The following NDUFA7 variants were observed in gnomAD, a reference collection of about 807,000 sequenced individuals.
The protein encoded by NDUFA7 is NADH dehydrogenase [ubiquinone] 1 alpha subcomplex subunit 7.
NDUFA7 carries 18 observed loss-of-function variants against 14.2 expected under a neutral mutation model. That is an observed-to-expected ratio of 1.27 (90% CI 0.88 to 1.88). The LOEUF is 1.88. NDUFA7 is among the 40% of genes most tolerant of loss of function. NDUFA7 has a pLI of 0.00. For missense variants in NDUFA7, 172 were observed against 147.3 expected (o/e 1.17, Z -0.87); for synonymous variants, 75 against 62.1 (o/e 1.21, Z -0.98).
rs1487657293 is a variant in NDUFA7 at position 8,321,368 on chromosome 19, G to A, written c.-10C>T. 1.2e-5 allele frequency: 19 copies of A among 1,571,026 alleles called. No individual in the cohort carries two copies. Among genetic ancestry groups the A allele is most frequent in the Middle Eastern group, 1.9e-4 (1 of 5,172 alleles). The stretch of plus-strand genomic sequence containing the variant: ...GGGTGGCGGACGCCATCTTCCGTCC[G>A]CGATACTGAAGGGCGCAGCCGGTGA... On this transcript the variant is annotated 5_prime_UTR_variant, in exon 1 of 4. Transcript: ENST00000301457.
In NDUFA7 at chr19:8,321,305, C is replaced by G; in HGVS notation, c.51+3G>C. 1 of 1,569,874 alleles carries G rather than the reference C, an allele frequency of 6.4e-7. No individual in the cohort carries two copies. The highest frequency in any genetic ancestry group is 1.8e-5 in the Admixed American group (1 of 54,172). ...ATGGTGCAGCCCTGTCCGCCCCGCG[C>G]ACCCCGGACGCCCAGTTCCGCAGCC... On this transcript the variant is annotated splice_donor_region_variant and intron_variant, in intron 1 of 3. Transcript: ENST00000301457.
downstream of NDUFA7, chr19:8,308,639 G>C (rs1223740855): frequency 3.1e-6 from 1 of 323,324 alleles, no homozygotes; most frequent in Admixed American, 5.2e-5. Flanking sequence ...ACGCCCCTCA[G>C]GCACTCCGCA....
intron 3 of NDUFA7, among the ~76,000 whole-genome samples, chr19:8,316,135 T>G (rs1231050620): frequency 9.1e-6 from 1 of 110,248 alleles, no homozygotes; most frequent in African/African-American, 3.8e-5. Context: ...GGTGACAGAG[T>G]GAGACTCCGT....
chr19:8,320,173 T>C (rs1273991300), intron 2 of NDUFA7, among the ~76,000 whole-genome samples: 1 of 152,180 alleles, frequency 6.6e-6, no homozygotes, highest in Non-Finnish European at 1.5e-5. Context: ...TTTCAATAAT[T>C]ATTCTTTGAA....
chr19:8,313,582 G>A (rs1970202837), intron 3 of NDUFA7, among the ~76,000 whole-genome samples: 1 of 152,220 alleles, frequency 6.6e-6, no homozygotes, highest in African/African-American at 2.4e-5. Context: ...TCACCTCCCA[G>A]ATCTCAGCAC....
At position 8,316,553 on chromosome 19, in the gene NDUFA7, G is replaced by T. The variant is rs768691484; in HGVS notation, c.194C>A (p.Pro65His). ...CTGCGACGACATGATGATGGAAGGG[G>T]GCACAGATTCCCGGCGGCCATCGCG... ...CTRDGRRESV[P>H]PSIIMSSQKA... The change falls in exon 3 of 4, where the codon CCC (proline) becomes CAC (histidine). Residue 65 changes from proline to histidine, a missense_variant. Physicochemically the swap from Pro to His is moderately conservative, Grantham distance 77. Coordinates refer to ENST00000301457, the MANE Select transcript of NDUFA7 (RefSeq NM_005001.5). 1 of 1,614,122 alleles carries T rather than the reference G, an allele frequency of 6.2e-7. No individual in the cohort carries two copies. The highest frequency in any genetic ancestry group is 1.1e-5 in the South Asian group (1 of 91,082).
chr19:8,312,957 G>A (rs956408751), intron 3 of NDUFA7, among the ~76,000 whole-genome samples: 1 of 152,036 alleles, frequency 6.6e-6, no homozygotes, highest in Non-Finnish European at 1.5e-5. Context: ...GAGCCACAGC[G>A]CCCCTAACTT....
chr19:8,314,848 G>C (rs984427955), intron 3 of NDUFA7, among the ~76,000 whole-genome samples: 1 of 152,060 alleles, frequency 6.6e-6, no homozygotes, highest in African/African-American at 2.4e-5. Flanking sequence ...CTGGGAGGCA[G>C]AGCTTGCAGT....
intron 3 of NDUFA7, 91 bp downstream of exon 3, chr19:8,316,405 C>T (rs1970233789): frequency 1.9e-6 from 3 of 1,539,436 alleles, no homozygotes; most frequent in Non-Finnish European, 2.6e-6. Context: ...TAAGTAGGAT[C>T]TTGACAAGCA....
downstream of NDUFA7, chr19:8,310,909 C>G (rs182994737): frequency 6.6e-6 from 1 of 151,916 alleles, no homozygotes; most frequent in Non-Finnish European, 1.5e-5. Context: ...CCCAGCTACT[C>G]GGGAGGCTGA....
rs2288415 is a variant in NDUFA7 at position 8,316,551 on chromosome 19, G to T, written c.196C>A (p.Pro66Thr). 1 of 1,614,004 alleles carries T rather than the reference G, an allele frequency of 6.2e-7. No individual in the cohort carries two copies. The highest frequency in any genetic ancestry group is 1.3e-5 in the African/African-American group (1 of 74,934). The change falls in exon 3 of 4, where the codon CCT becomes ACT. Residue 66 changes from proline to threonine, a missense_variant. Transcript: ENST00000301457. ...TTCTGCGACGACATGATGATGGAAGGGGGCACAGATTCCCGGCGGCCATCG... is the reference window on the plus strand; with the variant it reads ...TTCTGCGACGACATGATGATGGAAGTGGGCACAGATTCCCGGCGGCCATCG... ...TRDGRRESVP[P>T]SIIMSSQKAL...
At chr19:8,320,969 G>A in intron 1 of NDUFA7, 63 bp from the exon 2 acceptor site, 2 of 1,582,922 alleles carry the variant, frequency 1.3e-6, no homozygotes, top group Non-Finnish European at 1.7e-6. Context: ...AAAGGAGAGG[G>A]CAAGGGACCA....
downstream of NDUFA7, among the ~76,000 whole-genome samples, chr19:8,309,331 G>A (rs887489640): frequency 7.9e-5 from 12 of 152,138 alleles, 2 homozygotes; most frequent in Admixed American, 1.3e-4. Flanking sequence ...AAAATTAGCC[G>A]GGTGTGGTAA....
At chr19:8,316,455 G>A in intron 3 of NDUFA7, 41 bp downstream of exon 3, 2 of 1,604,670 alleles carry the variant, frequency 1.2e-6, no homozygotes, top group South Asian at 1.1e-5. Context: ...GTTGCAGGAG[G>A]GGGCATGGGG....
downstream of NDUFA7, among the ~76,000 whole-genome samples, chr19:8,309,073 T>C (rs920774733): frequency 6.6e-6 from 1 of 151,412 alleles, no homozygotes; most frequent in Non-Finnish European, 1.5e-5. Context: ...AAAAAGAAAA[T>C]TAGCTGGGCA....
At position 8,321,311 on chromosome 19, in the gene NDUFA7, G is replaced by A; in HGVS notation, c.48C>T (p.Ser16=). ...RLIQRLRNWA[S]GHDLQGKLQL... Reference sequence around the variant, plus strand: ...CAGCCCTGTCCGCCCCGCGCACCCCGGACGCCCAGTTCCGCAGCCGCTGGA... The same window carrying A: ...CAGCCCTGTCCGCCCCGCGCACCCCAGACGCCCAGTTCCGCAGCCGCTGGA... The change falls in exon 1 of 4, where the codon TCC becomes TCT. Residue 16 remains serine (S), a synonymous_variant. Coordinates refer to ENST00000301457, the MANE Select transcript of NDUFA7 (RefSeq NM_005001.5). The A allele has an allele frequency of 1.3e-6, 2 of 1,574,174 alleles. No individual in the cohort carries two copies. The highest frequency in any genetic ancestry group is 1.3e-5 in the African/African-American group (1 of 74,412).
At chr19:8,320,475 T>A (rs1400231774) in intron 2 of NDUFA7, among the ~76,000 whole-genome samples, 1 of 152,248 alleles carries the variant, frequency 6.6e-6, no homozygotes, top group Non-Finnish European at 1.5e-5. Flanking sequence ...TTAATATAAA[T>A]GAGTCTGAAA....
intron 3 of NDUFA7, among the ~76,000 whole-genome samples, chr19:8,315,551 TTGTTCACG>T (rs1383340206): frequency 6.6e-6 from 1 of 152,190 alleles, no homozygotes. Context: ...GCAGAGACTT[TTGTTCACG>T]TGTTTACCTG....
At position 8,321,328 on chromosome 19, in the gene NDUFA7, G is replaced by T; in HGVS notation, c.31C>A (p.Leu11Met). The T allele has an allele frequency of 3.2e-6, 5 of 1,580,118 alleles. No homozygotes were observed. The South Asian group carries it at 4.6e-5, about 15-fold the overall frequency. MASATRLIQR[L>M]RNWASGHDLQ... ...CGCACCCCGGACGCCCAGTTCCGCA[G>T]CCGCTGGATGAGACGGGTGGCGGAC... Residue 11 changes from leucine to methionine, a missense_variant, in exon 1 of 4, where the codon CTG becomes ATG. Transcript: ENST00000301457.
Sources: gnomAD v4.1 joint callset for allele counts (sites outside exome capture counted in the v4.1 genomes callset) on GRCh38, gnomAD v4.1.1 for gene constraint, MANE v1.5 for transcripts, NCBI Gene and HGNC (gene_info 2026-07-23, HGNC 2026-07-21) for gene names.